The following RNF111 variants were observed in gnomAD, a reference collection of about 807,000 sequenced individuals.
RNF111 encodes E3 ubiquitin-protein ligase Arkadia.
Under a neutral mutation model 95.1 loss-of-function variants are expected in RNF111, and 17 were observed. The observed-to-expected ratio is 0.18, with a 90% CI of 0.12 to 0.27. RNF111 has a LOEUF of 0.27. RNF111 is among the 10% of genes least tolerant of loss of function. The pLI is 1.00. For synonymous variants in RNF111, 440 were observed against 414.8 expected (o/e 1.06, Z -0.74); for missense variants, 1,189 against 1,210.4 (o/e 0.98, Z 0.26).
At chr15:59,032,043 A>G (rs1177665870) in intron 2 of RNF111, among the ~76,000 whole-genome samples, 1 of 151,936 alleles carries the variant, frequency 6.6e-6, no homozygotes. Flanking sequence ...GGTTCAAGCA[A>G]TTCTCCTGCG....
chr15:59,077,685 G>A (rs1176612134), intron 7 of RNF111, among the ~76,000 whole-genome samples: 2 of 152,078 alleles, frequency 1.3e-5, no homozygotes, highest in Non-Finnish European at 2.9e-5. Context: ...AGTTGTTTAT[G>A]GTTGAGTTTA....
At chr15:59,094,099 AT>A (rs1420992581) in intron 13 of RNF111, among the ~76,000 whole-genome samples, 1 of 152,140 alleles carries the variant, frequency 6.6e-6, no homozygotes, top group East Asian at 1.9e-4. Context: ...TCAATTTCTA[AT>A]TGGTAATTTG....
At chr15:59,042,418 G>A (rs533483336) in intron 2 of RNF111, among the ~76,000 whole-genome samples, 1 of 152,186 alleles carries the variant, frequency 6.6e-6, no homozygotes, top group African/African-American at 2.4e-5. Context: ...GAGCCACTAT[G>A]GCTGTCCAAC....
chr15:59,045,410 C>T (rs1262494453), intron 2 of RNF111, among the ~76,000 whole-genome samples: 2 of 151,970 alleles, frequency 1.3e-5, no homozygotes, highest in African/African-American at 2.4e-5. Context: ...AGGCTGGTCT[C>T]GATCTCCTGA....
chr15:59,021,291 C>T (rs1031015544), intron 1 of RNF111, among the ~76,000 whole-genome samples: 6 of 152,162 alleles, frequency 3.9e-5, no homozygotes, highest in Non-Finnish European at 8.8e-5. Context: ...GCTGGGATTA[C>T]AGGTGGGTGC....
intron 3 of RNF111, among the ~76,000 whole-genome samples, chr15:59,053,008 A>G (rs79857477): frequency 0.031 from 4,794 of 152,248 alleles, 253 homozygotes; most frequent in African/African-American, 0.11. Flanking sequence ...AAAAATGAAA[A>G]AATATTAAGG....
chr15:59,017,822 A>G (rs568140459), intron 1 of RNF111, among the ~76,000 whole-genome samples: 9 of 148,244 alleles, frequency 6.1e-5, no homozygotes, highest in Admixed American at 4.8e-4. Flanking sequence ...CAATGGCACA[A>G]TCTCGGCTCT....
chr15:59,067,263 CCCA>C (rs1369987236), intron 6 of RNF111, among the ~76,000 whole-genome samples, 180 bp downstream of exon 6: 12 of 139,576 alleles, frequency 8.6e-5, no homozygotes, highest in East Asian at 2.3e-4. Context: ...TTAACTCCCT[CCCA>C]TTCTTCCTTC....
chr15:59,072,929 T>C (rs1277511972), intron 6 of RNF111, among the ~76,000 whole-genome samples: 2 of 150,912 alleles, frequency 1.3e-5, no homozygotes, highest in Non-Finnish European at 2.9e-5. Flanking sequence ...GGCTCATGCA[T>C]TTGCTCCCAA....
intron 7 of RNF111, 61 bp from the exon 8 acceptor site, chr15:59,080,875 T>C (rs1359254869): frequency 2.4e-6 from 3 of 1,243,810 alleles, no homozygotes; most frequent in Non-Finnish European, 3.4e-6. Context: ...GAATGTATAA[T>C]AGCAATATAT....
chr15:59,014,326 A>G (rs1448313530), intron 1 of RNF111, among the ~76,000 whole-genome samples: 1 of 152,120 alleles, frequency 6.6e-6, no homozygotes, highest in Admixed American at 6.5e-5. Context: ...TTTTTATTGG[A>G]GAATGGTATT....
intron 1 of RNF111, among the ~76,000 whole-genome samples, chr15:58,990,506 C>T (rs1256100996): frequency 2.0e-5 from 3 of 152,048 alleles, no homozygotes; most frequent in Non-Finnish European, 2.9e-5. Flanking sequence ...AAAAATTAGC[C>T]GAGCTTAGTG....
At position 59,081,224 on chromosome 15, in the gene RNF111, A is replaced by G; in HGVS notation, c.2237A>G (p.His746Arg). ...PATAPPAQRL[H>R]PHEVMQRMEV... ...ACAGCACCTCCAGCACAGAGACTGC[A>G]TCCTCATGAAGTGATGCAGAGGATG... The change falls in exon 8 of 14, where the codon CAT becomes CGT. Residue 746 changes from histidine to arginine, a missense_variant. His to Arg is a conservative substitution (Grantham distance 29). Coordinates refer to ENST00000348370, the MANE Select transcript of RNF111 (RefSeq NM_017610.8). The G allele has an allele frequency of 6.2e-7, 1 of 1,614,176 alleles. No homozygotes were observed. Among genetic ancestry groups the G allele is most frequent in the Non-Finnish European group, 8.5e-7 (1 of 1,180,024 alleles).
chr15:59,055,328 T>C lies in RNF111; in HGVS notation c.1008-354T>C, dbSNP rs536872488. Among the ~76,000 whole-genome samples, 69 of 152,334 alleles carry C rather than the reference T, an allele frequency of 4.5e-4. 1 individual carries two copies. The highest frequency in any genetic ancestry group is 1.1e-3 in the Admixed American group (17 of 15,298). On this transcript the variant is annotated intron_variant, in intron 3 of 13. Coordinates refer to ENST00000348370, the MANE Select transcript of RNF111 (RefSeq NM_017610.8). ...AAGACCTTGTGGATATTATTAAATG[T>C]GTAGGGTGTTATTTTTATTCCTTTA...
chr15:59,078,273 G>GTC (rs1415133106), intron 7 of RNF111, among the ~76,000 whole-genome samples: 1 of 152,158 alleles, frequency 6.6e-6, no homozygotes, highest in Non-Finnish European at 1.5e-5. Flanking sequence ...GTAAGAATAT[G>GTC]TCTCTCTCTG....
intron 1 of RNF111, among the ~76,000 whole-genome samples, chr15:59,020,003 G>A (rs1327977437): frequency 6.6e-6 from 1 of 151,652 alleles, no homozygotes; most frequent in Non-Finnish European, 1.5e-5. Context: ...GGAAAATATA[G>A]CTACTGCACC....
intron 5 of RNF111, among the ~76,000 whole-genome samples, chr15:59,062,437 C>T (rs1280361124): frequency 6.6e-6 from 1 of 152,166 alleles, no homozygotes; most frequent in Non-Finnish European, 1.5e-5. Flanking sequence ...AGCTCATTAT[C>T]TGTCTGACCT....
intron 10 of RNF111, among the ~76,000 whole-genome samples, chr15:59,087,866 T>C (rs959651970): frequency 1.3e-5 from 2 of 152,314 alleles, no homozygotes; most frequent in East Asian, 1.9e-4. Context: ...TTGAAAAGTA[T>C]TGAAAGCATT....
At chr15:59,012,924 A>T (rs1363943073) in intron 1 of RNF111, among the ~76,000 whole-genome samples, 1 of 151,960 alleles carries the variant, frequency 6.6e-6, no homozygotes, top group African/African-American at 2.4e-5. Context: ...TTTTTAGTTG[A>T]GACGGGGTTT....
Sources: gnomAD v4.1 joint callset for allele counts (sites outside exome capture counted in the v4.1 genomes callset) on GRCh38, gnomAD v4.1.1 for gene constraint, MANE v1.5 for transcripts, NCBI Gene and HGNC (gene_info 2026-07-23, HGNC 2026-07-21) for gene names.